CNIH3: variants seen among roughly 807,000 people sequenced by gnomAD.
CNIH3 encodes protein cornichon homolog 3.
CNIH3 carries 14 observed loss-of-function variants against 24.1 expected under a neutral mutation model. That is an observed-to-expected ratio of 0.58 (90% CI 0.38 to 0.91). The LOEUF is 0.91. Ranked by LOEUF, CNIH3 falls within the 40% of genes least tolerant of loss-of-function variation. The pLI, the probability that CNIH3 is intolerant of heterozygous loss-of-function variation, is 0.00. For synonymous variants in CNIH3, 68 were observed against 73.8 expected, an observed-to-expected ratio of 0.92 and a Z score of 0.40; for missense variants, 178 against 196.8, an observed-to-expected ratio of 0.90 and a Z score of 0.57.
intron 1 of CNIH3, among the ~76,000 whole-genome samples, chr1:224,476,737 C>T (rs1365220673): frequency 6.6e-6 from 1 of 152,108 alleles, no homozygotes; most frequent in Non-Finnish European, 1.5e-5. Flanking sequence ...CCAAAGCAAT[C>T]TACAGAGTCA....
At chr1:224,720,252 C>CTTTTTTTTTTTTTT (rs10625559) in intron 3 of CNIH3, among the ~76,000 whole-genome samples, 5 of 142,084 alleles carry the variant, frequency 3.5e-5, no homozygotes, top group Non-Finnish European at 3.1e-5. Context: ...GGATAGTCAT[C>CTTTTTTTTTTTTTT]TTTTTTTTTT....
At chr1:224,444,434 C>G (rs1203311533) in intron 1 of CNIH3, among the ~76,000 whole-genome samples, 5 of 152,016 alleles carry the variant, frequency 3.3e-5, no homozygotes, top group Non-Finnish European at 1.5e-5. Flanking sequence ...CAGTGGCTCA[C>G]TGCAACCTCT....
At chr1:224,493,006 G>A (rs1467870599) in intron 1 of CNIH3, among the ~76,000 whole-genome samples, 1 of 152,190 alleles carries the variant, frequency 6.6e-6, no homozygotes, top group Non-Finnish European at 1.5e-5. Flanking sequence ...GTGATCCATG[G>A]AATCCATTTA....
At chr1:224,721,818 G>T (rs575899918) in intron 3 of CNIH3, among the ~76,000 whole-genome samples, 1 of 152,154 alleles carries the variant, frequency 6.6e-6, no homozygotes, top group African/African-American at 2.4e-5. Context: ...GAAAGAATCC[G>T]GCCAGAACTG....
intron 2 of CNIH3, among the ~76,000 whole-genome samples, chr1:224,531,978 A>T (rs1270988759): frequency 6.6e-6 from 1 of 152,154 alleles, no homozygotes; most frequent in Admixed American, 6.5e-5. Flanking sequence ...AAAGACAAAG[A>T]TTCCTCCATT....
intron 1 of CNIH3, among the ~76,000 whole-genome samples, chr1:224,491,003 G>A (rs980951279): frequency 1.3e-5 from 2 of 152,178 alleles, no homozygotes; most frequent in Admixed American, 1.3e-4. Flanking sequence ...GTTGAAGTAT[G>A]GCCACTGGGA....
chr1:224,677,505 C>CA, intron 1 of CNIH3, among the ~76,000 whole-genome samples: 1 of 152,262 alleles, frequency 6.6e-6, no homozygotes, highest in East Asian at 1.9e-4. Flanking sequence ...CTCATGGGTG[C>CA]ACTGCCATCA....
intron 1 of CNIH3, among the ~76,000 whole-genome samples, chr1:224,623,035 C>G (rs1480137375): frequency 6.6e-6 from 1 of 152,180 alleles, no homozygotes; most frequent in Non-Finnish European, 1.5e-5. Context: ...TGGTCACTGT[C>G]CTGTCCTTGC....
intron 5 of CNIH3, among the ~76,000 whole-genome samples, chr1:224,584,068 A>G (rs1681389954): frequency 6.6e-6 from 1 of 152,192 alleles, no homozygotes; most frequent in Admixed American, 6.5e-5. Context: ...TTTCACTGAC[A>G]GCATAGTTCT....
intron 3 of CNIH3, among the ~76,000 whole-genome samples, chr1:224,707,835 C>T (rs1687906711): frequency 6.6e-6 from 1 of 152,310 alleles, no homozygotes; most frequent in Non-Finnish European, 1.5e-5. Flanking sequence ...TTTTAGATGG[C>T]ACCAAATAAA....
In CNIH3 at chr1:224,616,985, C is replaced by G; in HGVS notation, c.-190C>G. ...CGCCGGAGGGCCGGGTCTGGGGTCGCCGGAGCCTGCGGGAATCCAGCGCTT... is the reference window on the plus strand; with the variant it reads ...CGCCGGAGGGCCGGGTCTGGGGTCGGCGGAGCCTGCGGGAATCCAGCGCTT... On this transcript the variant is annotated 5_prime_UTR_variant, in exon 1 of 6. Coordinates refer to ENST00000272133, the MANE Select transcript of CNIH3 (RefSeq NM_152495.2). 2 of 1,413,758 alleles carry G rather than the reference C, an allele frequency of 1.4e-6. No individual in the cohort carries two copies. Among genetic ancestry groups the G allele is most frequent in the Non-Finnish European group, 1.8e-6 (2 of 1,089,518 alleles). The allele number at this position is 1,413,758 out of a possible 1,614,324, so 87.6% of individuals were successfully genotyped here.
At chr1:224,736,572 G>A (rs768166006) in intron 5 of CNIH3, among the ~76,000 whole-genome samples, 3 of 152,222 alleles carry the variant, frequency 2.0e-5, no homozygotes, top group Non-Finnish European at 2.9e-5. Flanking sequence ...TGGGCTCTGC[G>A]TTTTAAACAA....
At chr1:224,720,954 C>T (rs1266814781) in intron 3 of CNIH3, among the ~76,000 whole-genome samples, 2 of 152,208 alleles carry the variant, frequency 1.3e-5, no homozygotes, top group Non-Finnish European at 1.5e-5. Flanking sequence ...CCACTACGTT[C>T]TGCCTTCCAT....
chr1:224,484,406 G>T (rs1676947440), intron 1 of CNIH3, among the ~76,000 whole-genome samples: 1 of 151,876 alleles, frequency 6.6e-6, no homozygotes, highest in East Asian at 1.9e-4. Flanking sequence ...CTCCAGCCTG[G>T]GTGACAGAGC....
intron 1 of CNIH3, among the ~76,000 whole-genome samples, chr1:224,456,202 C>T (rs1347792975): frequency 6.6e-6 from 1 of 152,180 alleles, no homozygotes; most frequent in Non-Finnish European, 1.5e-5. Flanking sequence ...CTTCCCTGCT[C>T]CCCTCTCCTC....
Position 224,681,030 on chromosome 1 carries a change from A to T in CNIH3, c.150+4A>T. Reference sequence around the variant, plus strand: ...CCAGTGCAATCCTGTTCATGCGGTAAGTGGCGGGTACTGGTGAGGGGAAGG... The same window carrying T: ...CCAGTGCAATCCTGTTCATGCGGTATGTGGCGGGTACTGGTGAGGGGAAGG... On this transcript the variant is annotated splice_donor_region_variant and intron_variant, in intron 2 of 5. Coordinates refer to ENST00000272133, the MANE Select transcript of CNIH3 (RefSeq NM_152495.2). 1 of 1,613,794 alleles carries T rather than the reference A, an allele frequency of 6.2e-7. No individual in the cohort carries two copies. Among genetic ancestry groups the T allele is most frequent in the African/African-American group, 1.3e-5 (1 of 75,030 alleles).
At chr1:224,673,283 G>A (rs1051689205) in intron 1 of CNIH3, among the ~76,000 whole-genome samples, 1 of 152,182 alleles carries the variant, frequency 6.6e-6, no homozygotes, top group Non-Finnish European at 1.5e-5. Context: ...GAATAGATGG[G>A]CTAAATGGCT....
At chr1:224,647,553 G>GA (rs1182878057) in intron 1 of CNIH3, among the ~76,000 whole-genome samples, 1 of 152,224 alleles carries the variant, frequency 6.6e-6, no homozygotes, top group African/African-American at 2.4e-5. Context: ...GCTGTGGCGG[G>GA]AAATTATTAC....
At chr1:224,609,486 TG>T in intron 3 of CNIH3, among the ~76,000 whole-genome samples, 1 of 151,062 alleles carries the variant, frequency 6.6e-6, no homozygotes, top group East Asian at 1.9e-4. Context: ...GAGGTGGGAG[TG>T]AGAACTTGGT....
Sources: gnomAD v4.1 joint callset for allele counts (sites outside exome capture counted in the v4.1 genomes callset) on GRCh38, gnomAD v4.1.1 for gene constraint, MANE v1.5 for transcripts, NCBI Gene and HGNC (gene_info 2026-07-23, HGNC 2026-07-21) for gene names.